TCN2: variants seen among roughly 807,000 people sequenced by gnomAD.
TCN2 encodes the protein transcobalamin-2.
In TCN2, 34 loss-of-function variants were observed where a neutral mutation model predicts 48.6. The ratio of observed to expected loss-of-function variants is 0.70; its 90% CI spans 0.53 to 0.93. The LOEUF (loss-of-function observed/expected upper bound fraction) is 0.93, where lower values mean the gene tolerates loss of function less well. TCN2 is among the 40% of genes least tolerant of loss of function. TCN2 has a pLI of 0.00. For missense variants in TCN2, 652 were observed against 526.1 expected, an observed-to-expected ratio of 1.24 and a Z score of -2.34; for synonymous variants, 283 against 212.5, an observed-to-expected ratio of 1.33 and a Z score of -2.89.
In TCN2 at chr22:30,624,065, T is replaced by C. The variant is rs1335494475; in HGVS notation, c.1222+982T>C. ...ATATACACACACACACACACACATA[T>C]ATATATATATATATATTTTTTTTTT... On this transcript the variant is annotated intron_variant, in intron 8 of 8. Transcript: ENST00000215838. 3.0e-4 allele frequency among the ~76,000 whole-genome samples: 21 copies of C among 70,430 alleles called. 10 individuals carry two copies. Among genetic ancestry groups the C allele is most frequent in the African/African-American group, 1.5e-3 (17 of 11,426 alleles). 46.2% of individuals were successfully genotyped at this position (70,430 alleles called of 152,430 possible).
chr22:30,611,325 A>G (rs1318336171), intron 2 of TCN2, among the ~76,000 whole-genome samples: 1 of 152,230 alleles, frequency 6.6e-6, no homozygotes, highest in Non-Finnish European at 1.5e-5. Context: ...ATACTCTTTG[A>G]TGATGAGCCC....
At position 30,617,316 on chromosome 22, in the gene TCN2, T is replaced by C. The variant is rs552110112; in HGVS notation, c.941-14T>C. 5 of 1,614,132 alleles carry C rather than the reference T, an allele frequency of 3.1e-6. No homozygotes were observed. In the East Asian group the frequency reaches 1.1e-4, roughly 36 times the overall value. ...TCCTCACACCAGCTGCCCGCCCCTTTCTTCCTGGCACAGTCATGTTGGAAC... is the reference window on the plus strand; with the variant it reads ...TCCTCACACCAGCTGCCCGCCCCTTCCTTCCTGGCACAGTCATGTTGGAAC... On this transcript the variant is annotated splice_polypyrimidine_tract_variant and intron_variant, in intron 6 of 8. Transcript: ENST00000215838.
intron 8 of TCN2, chr22:30,623,288 A>C: frequency 3.8e-6 from 2 of 523,340 alleles, no homozygotes; most frequent in South Asian, 2.5e-5. Flanking sequence ...AGGAAACCAG[A>C]CAGATTACAA....
chr22:30,612,927 G>A lies in TCN2; in HGVS notation c.312G>A (p.Gln104=), dbSNP rs2087562378. The A allele has an allele frequency of 1.2e-6, 2 of 1,614,186 alleles. No individual in the cohort carries two copies. Among genetic ancestry groups the A allele is most frequent in the Non-Finnish European group, 1.7e-6 (2 of 1,180,042 alleles). The part of the protein sequence containing the change: ...GDCQGKPSMG[Q]LALYLLALRA... ...GCCAGGGCAAGCCTTCCATGGGCCA[G>A]CTGGCCCTCTACCTGCTCGCTCTCA... is the stretch of plus-strand genomic sequence containing the variant. The change falls in exon 3 of 9, where the codon CAG becomes CAA. Residue 104 remains glutamine (Q), a synonymous_variant. Transcript: ENST00000215838.
rs57689489 is a variant in TCN2, at chr22:30,623,758, G to GTA, written c.1222+686_1222+687dup. Among the ~76,000 whole-genome samples the GTA allele has an allele frequency of 2.5e-4, 17 of 67,592 alleles. 5 individuals carry two copies. Among genetic ancestry groups the GTA allele is most frequent in the Admixed American group, 1.1e-3 (6 of 5,266 alleles). The allele number at this position is 67,592 out of a possible 152,430, so 44.3% of individuals were successfully genotyped here. On this transcript the variant is annotated intron_variant, in intron 8 of 8. Transcript: ENST00000215838. ...TACATATATATACACACATATATAT[G>GTA]TATATATATATACACACATATATAT...
chr22:30,621,885 C>T (rs978308024), intron 7 of TCN2, among the ~76,000 whole-genome samples: 1 of 152,246 alleles, frequency 6.6e-6, no homozygotes, highest in Non-Finnish European at 1.5e-5. Flanking sequence ...CCTCCCTTCT[C>T]CTCTGGCAAA....
At position 30,617,423 on chromosome 22, in the gene TCN2, A is replaced by G. The variant is rs774964870; in HGVS notation, c.1034A>G (p.Gln345Arg). 6.2e-7 allele frequency: 1 copy of G among 1,614,024 alleles called. No homozygotes were observed. Among genetic ancestry groups the G allele is most frequent in the Non-Finnish European group, 8.5e-7 (1 of 1,180,028 alleles). ...CTTAGTCTCTTGCCGCCGTACAGAC[A>G]GTCCATCTCTGTTCTGGCCGGGTCC... ...QVLSLLPPYR[Q>R]SISVLAGSTV... The change falls in exon 7 of 9, where the codon CAG becomes CGG. Residue 345 changes from glutamine (Q) to arginine (R), a missense_variant. Transcript: ENST00000215838.
At chr22:30,625,150 G>A (rs1194390670) in intron 8 of TCN2, among the ~76,000 whole-genome samples, 8 of 152,136 alleles carry the variant, frequency 5.3e-5, no homozygotes, top group Non-Finnish European at 1.0e-4. Flanking sequence ...CCCAGGAGGC[G>A]GAGGTTGCCG....
Position 30,615,263 on chromosome 22 carries a change from C to T in TCN2, c.581-38C>T, listed in dbSNP as rs779765324. On this transcript the variant is annotated intron_variant, in intron 4 of 8. Coordinates refer to ENST00000215838, the MANE Select transcript of TCN2 (RefSeq NM_000355.4). ...CCCCTGCCTGTCCTGGCCCCTTTGG[C>T]TCTCCAGCTCATTGCATGTTCTGTC... 3.7e-6 allele frequency: 6 copies of T among 1,613,300 alleles called. No individual in the cohort carries two copies. In the South Asian group the frequency reaches 6.6e-5, roughly 18 times the overall value.
Position 30,623,715 on chromosome 22 carries a change from GAC to G in TCN2, c.1222+638_1222+639del, listed in dbSNP as rs148657782. Among the ~76,000 whole-genome samples, 429 of 103,014 alleles carry G rather than the reference GAC, an allele frequency of 4.2e-3. 41 individuals carry two copies. Among genetic ancestry groups the G allele is most frequent in the African/African-American group, 6.3e-3 (151 of 23,868 alleles). 67.6% of individuals were successfully genotyped at this position (103,014 alleles called of 152,430 possible). A position where few individuals can be genotyped will look rare whatever the true frequency, so the allele number is the denominator to read the frequency against. On this transcript the variant is annotated intron_variant, in intron 8 of 8. Transcript: ENST00000215838. Reference sequence around the variant, plus strand: ...TATATATGAAATATATATATATACAGACACACATATATATGTATACATATATA... The same window carrying G: ...TATATATGAAATATATATATATACAGACACATATATATGTATACATATATA...
chr22:30,610,387 A>C (rs2087518803), intron 1 of TCN2: 2 of 439,076 alleles, frequency 4.6e-6, no homozygotes, highest in Middle Eastern at 3.8e-4. Context: ...TAGCACACAC[A>C]TTCAGCAGGG....
At chr22:30,617,725 G>C (rs1271725885) in intron 7 of TCN2, 1 of 574,096 alleles carries the variant, frequency 1.7e-6, no homozygotes, top group Non-Finnish European at 3.1e-6. Flanking sequence ...CCCCCAGTTG[G>C]AATCCCAACT....
chr22:30,625,175 G>A (rs957732857), intron 8 of TCN2, among the ~76,000 whole-genome samples: 6 of 152,156 alleles, frequency 3.9e-5, no homozygotes, highest in South Asian at 4.1e-4. Context: ...CTGAGATCAC[G>A]CCATTGCATT....
chr22:30,612,057 T>G (rs1036300408), intron 2 of TCN2, among the ~76,000 whole-genome samples: 2 of 151,728 alleles, frequency 1.3e-5, no homozygotes, highest in Non-Finnish European at 2.9e-5. Flanking sequence ...GGCAACATAG[T>G]GAGACCACAT....
At chr22:30,613,880 C>T (rs1209988509) in intron 3 of TCN2, among the ~76,000 whole-genome samples, 1 of 152,176 alleles carries the variant, frequency 6.6e-6, no homozygotes, top group Non-Finnish European at 1.5e-5. Context: ...CTGTGGGCTC[C>T]AGCCATACCA....
Position 30,607,200 on chromosome 22 carries a change from T to A in TCN2, c.-132T>A. 16 of 907,594 alleles carry A rather than the reference T, an allele frequency of 1.8e-5. No homozygotes were observed. The highest frequency in any genetic ancestry group is 3.5e-5 in the Admixed American group (2 of 56,520). 56.2% of individuals were successfully genotyped at this position (907,594 alleles called of 1,614,324 possible). On this transcript the variant is annotated 5_prime_UTR_variant, in exon 1 of 9. An upstream start codon of the reference 5' UTR is lost. Transcript: ENST00000215838. Reference sequence around the variant, plus strand: ...CAGACTTAGCCGTGCATTGCAGGCATGGAGGATTAATCAGTGACAGGAAGC... The same window carrying A: ...CAGACTTAGCCGTGCATTGCAGGCAAGGAGGATTAATCAGTGACAGGAAGC...
intron 7 of TCN2, among the ~76,000 whole-genome samples, chr22:30,622,346 ACT>A (rs1484682056): frequency 1.3e-5 from 2 of 152,146 alleles, no homozygotes; most frequent in Non-Finnish European, 2.9e-5. Context: ...GAGTGCAGAA[ACT>A]CAAAGTTGAA....
chr22:30,623,735 CATATATATACACACATATATATGTAT>C (rs2087736627), intron 8 of TCN2, among the ~76,000 whole-genome samples: 9 of 90,524 alleles, frequency 9.9e-5, no homozygotes, highest in Admixed American at 2.6e-4. Context: ...TATATGTATA[CATATATATACACACATATATATGTAT>C]ATATATATAC....
chr22:30,623,296 C>CAAAA, intron 8 of TCN2: 27 of 372,894 alleles, frequency 7.2e-5, no homozygotes, highest in Non-Finnish European at 1.0e-4. Context: ...AGACAGATTA[C>CAAAA]AAAAAAAAAA....
Sources: gnomAD v4.1 joint callset for allele counts (sites outside exome capture counted in the v4.1 genomes callset) on GRCh38, gnomAD v4.1.1 for gene constraint, MANE v1.5 for transcripts, NCBI Gene and HGNC (gene_info 2026-07-23, HGNC 2026-07-21) for gene names.